The following PLCB1 variants were observed in gnomAD, a reference collection of about 807,000 sequenced individuals.
PLCB1 encodes 1-phosphatidylinositol 4,5-bisphosphate phosphodiesterase beta-1.
A neutral mutation model predicts 161.8 loss-of-function variants in PLCB1; 46 were observed. That is an observed-to-expected ratio of 0.28 (90% CI 0.22 to 0.36). The LOEUF (loss-of-function observed/expected upper bound fraction) is 0.36, where lower values mean the gene tolerates loss of function less well. Ranked by LOEUF, PLCB1 falls within the 10% of genes least tolerant of loss-of-function variation. The pLI is 1.00. For missense variants in PLCB1, 1,016 were observed against 1,472.5 expected (o/e 0.69, Z 5.07); for synonymous variants, 517 against 503.7 (o/e 1.03, Z -0.35).
intron 2 of PLCB1, among the ~76,000 whole-genome samples, chr20:8,162,181 G>A (rs547925089): frequency 5.9e-4 from 89 of 151,844 alleles, no homozygotes; most frequent in Non-Finnish European, 9.1e-4. Flanking sequence ...TTGTTTTATC[G>A]TTACCAAACA....
chr20:8,403,307 G>A (rs1451887441), intron 3 of PLCB1, among the ~76,000 whole-genome samples: 1 of 152,082 alleles, frequency 6.6e-6, no homozygotes, highest in Non-Finnish European at 1.5e-5. Context: ...CTTGAGCCCA[G>A]GAGTTCAAGG....
chr20:8,623,709 A>C (rs1335282475), intron 3 of PLCB1, among the ~76,000 whole-genome samples: 1 of 152,222 alleles, frequency 6.6e-6, no homozygotes, highest in African/African-American at 2.4e-5. Flanking sequence ...AGAAATACTT[A>C]AACAAGTAAC....
chr20:8,356,842 A>G (rs1986377589), intron 2 of PLCB1, among the ~76,000 whole-genome samples: 1 of 152,220 alleles, frequency 6.6e-6, no homozygotes, highest in Non-Finnish European at 1.5e-5. Flanking sequence ...AGGTATACAG[A>G]GAATACGTTG....
At chr20:8,861,478 T>C (rs1987250781) in intron 31 of PLCB1, among the ~76,000 whole-genome samples, 2 of 152,156 alleles carry the variant, frequency 1.3e-5, no homozygotes, top group Admixed American at 1.3e-4. Context: ...ACGCCTGTAA[T>C]CCCAGCACTT....
At chr20:8,662,192 T>A (rs1233293888) in intron 9 of PLCB1, among the ~76,000 whole-genome samples, 1 of 84,582 alleles carries the variant, frequency 1.2e-5, no homozygotes, top group African/African-American at 5.0e-5. Context: ...TAATTATTTA[T>A]TATATAATTC....
chr20:8,744,852 A>C (rs1391339968), intron 23 of PLCB1, among the ~76,000 whole-genome samples: 1 of 152,034 alleles, frequency 6.6e-6, no homozygotes, highest in Non-Finnish European at 1.5e-5. Context: ...CTCTTTTCAC[A>C]AATTGATGTC....
chr20:8,518,036 G>A (rs1346146996), intron 3 of PLCB1, among the ~76,000 whole-genome samples: 1 of 152,026 alleles, frequency 6.6e-6, no homozygotes, highest in Non-Finnish European at 1.5e-5. Flanking sequence ...ACAAAATTTA[G>A]CTGGGCTTGG....
intron 3 of PLCB1, among the ~76,000 whole-genome samples, chr20:8,484,352 GCTTCTT>G (rs201107527): frequency 1.8e-5 from 2 of 113,428 alleles, no homozygotes; most frequent in African/African-American, 2.8e-5. Flanking sequence ...GCTAGCTGCT[GCTTCTT>G]CTTCTTCTTT....
intron 31 of PLCB1, among the ~76,000 whole-genome samples, chr20:8,791,685 A>G (rs1054652039): frequency 1.3e-5 from 2 of 151,786 alleles, no homozygotes; most frequent in African/African-American, 2.4e-5. Flanking sequence ...AATGTTAACT[A>G]TTTTACTTAC....
chr20:8,716,358 T>G lies in PLCB1; in HGVS notation c.1335+10T>G, dbSNP rs1979310607. 6.3e-7 allele frequency: 1 copy of G among 1,599,656 alleles called. No individual in the cohort carries two copies. The highest frequency in any genetic ancestry group is 8.6e-7 in the Non-Finnish European group (1 of 1,166,900). On this transcript the variant is annotated intron_variant, in intron 13 of 31. Transcript: ENST00000338037. ...CCTGGAAAAATATCCAGTAAGCAGT[T>G]CTGATGTTTGTCCTTGAAGGAATGT...
intron 3 of PLCB1, among the ~76,000 whole-genome samples, chr20:8,427,362 T>G (rs751016423): frequency 4.6e-5 from 7 of 152,178 alleles, no homozygotes; most frequent in Non-Finnish European, 1.0e-4. Flanking sequence ...GGTTTGGAGA[T>G]TCAAACCTTG....
intron 2 of PLCB1, among the ~76,000 whole-genome samples, chr20:8,192,856 A>G (rs73895586): frequency 0.032 from 4,916 of 152,064 alleles, 268 homozygotes; most frequent in African/African-American, 0.11. Context: ...TGTGTGTGTC[A>G]GGGATTTCCA....
intron 2 of PLCB1, among the ~76,000 whole-genome samples, chr20:8,321,379 A>G (rs1260464206): frequency 6.6e-6 from 1 of 152,100 alleles, no homozygotes; most frequent in Non-Finnish European, 1.5e-5. Flanking sequence ...CATTTCGTTC[A>G]TTTGTTTTTC....
chr20:8,762,699 C>T (rs1300097681), intron 25 of PLCB1, among the ~76,000 whole-genome samples: 1 of 152,142 alleles, frequency 6.6e-6, no homozygotes, highest in African/African-American at 2.4e-5. Flanking sequence ...ATAAATGTAC[C>T]TGGTTTTCTC....
intron 2 of PLCB1, among the ~76,000 whole-genome samples, chr20:8,318,288 A>C (rs958316252): frequency 4.6e-5 from 7 of 152,194 alleles, no homozygotes; most frequent in Admixed American, 1.3e-4. Context: ...TACCACATTC[A>C]TTATTAATTC....
chr20:8,300,505 T>A (rs1983852938), intron 2 of PLCB1, among the ~76,000 whole-genome samples: 1 of 152,126 alleles, frequency 6.6e-6, no homozygotes, highest in Admixed American at 6.5e-5. Context: ...ACAGCACCCT[T>A]TCTATGACTC....
At position 8,802,046 on chromosome 20, in the gene PLCB1, T is replaced by G. The variant is rs753110457; in HGVS notation, c.3423+11785T>G. On this transcript the variant is annotated intron_variant, in intron 31 of 31. Transcript: ENST00000338037. The stretch of plus-strand genomic sequence containing the variant: ...CACAAAAATGACAGCCTCCCTTTTT[T>G]TCCACACAGGGGGAAGGTTCCTCCT... 3 of 1,522,506 alleles carry G rather than the reference T, an allele frequency of 2.0e-6. No homozygotes were observed. The South Asian group carries it at 3.4e-5, about 17-fold the overall frequency. 94.3% of individuals were successfully genotyped at this position (1,522,506 alleles called of 1,614,324 possible). A position where few individuals can be genotyped will look rare whatever the true frequency, so the allele number is the denominator to read the frequency against.
At chr20:8,237,056 G>A (rs1980365095) in intron 2 of PLCB1, among the ~76,000 whole-genome samples, 1 of 151,894 alleles carries the variant, frequency 6.6e-6, no homozygotes, top group Non-Finnish European at 1.5e-5. Flanking sequence ...GTAGCCTTTG[G>A]CATATTTATC....
chr20:8,532,995 T>C (rs143993758), intron 3 of PLCB1, among the ~76,000 whole-genome samples: 10,328 of 150,910 alleles, frequency 0.068, 456 homozygotes, highest in Middle Eastern at 0.1. Context: ...GTATATCTCC[T>C]AATGCTATCC....
Sources: allele counts gnomAD v4.1 joint callset (sites outside exome capture counted in the v4.1 genomes callset), GRCh38; gene constraint gnomAD v4.1.1; transcripts MANE v1.5; gene names NCBI Gene and HGNC (gene_info 2026-07-23, HGNC 2026-07-21).